The following LGR4 variants were observed in gnomAD, a reference collection of about 807,000 sequenced individuals.
LGR4 encodes leucine rich repeat containing G protein-coupled receptor 4.
Under a neutral mutation model 84.8 loss-of-function variants are expected in LGR4, and 44 were observed. The ratio of observed to expected loss-of-function variants is 0.52; its 90% CI spans 0.41 to 0.67. The LOEUF (loss-of-function observed/expected upper bound fraction) is 0.67. Among genes scored for constraint, LGR4 ranks in the 30% least tolerant of loss-of-function variants. The pLI is 0.00. For missense variants in LGR4, 1,032 were observed against 1,131.4 expected (o/e 0.91, Z 1.26); for synonymous variants, 429 against 434.3 (o/e 0.99, Z 0.15).
In LGR4 at chr11:27,373,629, T is replaced by A; in HGVS notation, c.1301A>T (p.Asn434Ile). 6.3e-7 allele frequency: 1 copy of A among 1,599,818 alleles called. No individual in the cohort carries two copies. The highest frequency in any genetic ancestry group is 8.5e-7 in the Non-Finnish European group (1 of 1,171,394). ...CACAAGTTTCAGTTGATTTAGCCCATTCAGGCCTTCCGTAGGAAAGGAAGT... is the reference window on the plus strand; with the variant it reads ...CACAAGTTTCAGTTGATTTAGCCCAATCAGGCCTTCCGTAGGAAAGGAAGT... The part of the protein sequence containing the change: ...ELTSFPTEGL[N>I]GLNQLKLVGN... Residue 434 changes from asparagine to isoleucine, a missense_variant, in exon 15 of 18, where the codon AAT becomes ATT. Physicochemically the swap from Asn to Ile is moderately radical, Grantham distance 149 (BLOSUM62 -3). Coordinates refer to ENST00000379214, the MANE Select transcript of LGR4 (RefSeq NM_018490.5).
intron 1 of LGR4, among the ~76,000 whole-genome samples, chr11:27,428,412 T>C (rs1277643814): frequency 6.6e-6 from 1 of 152,220 alleles, no homozygotes; most frequent in Non-Finnish European, 1.5e-5. Context: ...GTACTGGGAT[T>C]ACAGGCGTGA....
At chr11:27,455,596 T>TTAGTGGA (rs1864560417) in intron 1 of LGR4, among the ~76,000 whole-genome samples, 1 of 152,172 alleles carries the variant, frequency 6.6e-6, no homozygotes, top group African/African-American at 2.4e-5. Context: ...ACCTTTAAGA[T>TTAGTGGA]CCTTTCCAAA....
chr11:27,444,072 C>T (rs561818527), intron 1 of LGR4, among the ~76,000 whole-genome samples: 3 of 147,864 alleles, frequency 2.0e-5, no homozygotes, highest in East Asian at 4.0e-4. Flanking sequence ...AGGCATTACA[C>T]GCCTGTTTTC....
intron 1 of LGR4, among the ~76,000 whole-genome samples, chr11:27,419,959 AAAAAAATT>A (rs1478809641): frequency 6.6e-6 from 1 of 152,084 alleles, no homozygotes; most frequent in Non-Finnish European, 1.5e-5. Context: ...AAGAGGCATT[AAAAAAATT>A]TATGTGGTGA....
chr11:27,433,816 A>G (rs1477508901), intron 1 of LGR4, among the ~76,000 whole-genome samples: 1 of 152,288 alleles, frequency 6.6e-6, no homozygotes, highest in South Asian at 2.1e-4. Context: ...GGGACTTAAA[A>G]ATGGAGTCCA....
At chr11:27,435,335 A>AAAAC (rs1043161622) in intron 1 of LGR4, among the ~76,000 whole-genome samples, 3 of 151,690 alleles carry the variant, frequency 2.0e-5, no homozygotes, top group Admixed American at 6.6e-5. Flanking sequence ...TCTGTCTCAA[A>AAAAC]AAACAAACAA....
At chr11:27,401,365 C>T (rs1301165763) in intron 2 of LGR4, among the ~76,000 whole-genome samples, 2 of 152,142 alleles carry the variant, frequency 1.3e-5, no homozygotes, top group Non-Finnish European at 2.9e-5. Flanking sequence ...CTTACAGGAA[C>T]CCATGGAATA....
At chr11:27,383,559 C>T (rs1863137233) in intron 6 of LGR4, among the ~76,000 whole-genome samples, 1 of 152,036 alleles carries the variant, frequency 6.6e-6, no homozygotes, top group Non-Finnish European at 1.5e-5. Flanking sequence ...TAATAGAGTC[C>T]TAAAAGATTT....
chr11:27,395,619 C>T (rs1863375465), intron 2 of LGR4, among the ~76,000 whole-genome samples: 1 of 152,166 alleles, frequency 6.6e-6, no homozygotes, highest in South Asian at 2.1e-4. Flanking sequence ...AGCCAACGAT[C>T]TGGAGAAATA....
intron 2 of LGR4, among the ~76,000 whole-genome samples, chr11:27,409,692 T>A (rs557129566): frequency 6.6e-6 from 1 of 152,130 alleles, no homozygotes; most frequent in African/African-American, 2.4e-5. Flanking sequence ...TTTAGTCTTG[T>A]CATAACAAGA....
At chr11:27,432,531 T>C (rs939018835) in intron 1 of LGR4, among the ~76,000 whole-genome samples, 1 of 151,576 alleles carries the variant, frequency 6.6e-6, no homozygotes, top group Admixed American at 6.6e-5. Flanking sequence ...CAGAGGAAAA[T>C]AAAGAGAAAA....
intron 1 of LGR4, among the ~76,000 whole-genome samples, chr11:27,436,914 G>T (rs961200695): frequency 4.7e-4 from 72 of 152,252 alleles, no homozygotes; most frequent in African/African-American, 1.7e-3. Context: ...ATAGGAGGGG[G>T]TGTTGAAGGG....
intron 1 of LGR4, among the ~76,000 whole-genome samples, chr11:27,433,040 T>G (rs1266298559): frequency 6.6e-6 from 1 of 152,246 alleles, no homozygotes. Flanking sequence ...GTTTGTATTA[T>G]GTAGGCTTTC....
chr11:27,401,330 G>A (rs950843495), intron 2 of LGR4, among the ~76,000 whole-genome samples: 5 of 152,188 alleles, frequency 3.3e-5, no homozygotes, highest in African/African-American at 9.6e-5. Context: ...CACCTGCACC[G>A]AATTGGCCTT....
chr11:27,467,721 T>C (rs140177788), intron 1 of LGR4, among the ~76,000 whole-genome samples: 22 of 152,320 alleles, frequency 1.4e-4, no homozygotes, highest in African/African-American at 5.3e-4. Flanking sequence ...TCCTGTGAAT[T>C]ATTGACAGAT....
intron 1 of LGR4, among the ~76,000 whole-genome samples, chr11:27,432,877 C>T (rs183958646): frequency 3.3e-5 from 5 of 152,264 alleles, no homozygotes; most frequent in Admixed American, 2.6e-4. Context: ...CTGGTTTCTT[C>T]CCACTTTTTT....
chr11:27,375,297 C>CAAAAAAA (rs5790647), intron 13 of LGR4, among the ~76,000 whole-genome samples: 2 of 118,138 alleles, frequency 1.7e-5, no homozygotes, highest in African/African-American at 3.4e-5. Context: ...GACCCTGTCT[C>CAAAAAAA]AAAAAAAAAA....
intron 11 of LGR4, among the ~76,000 whole-genome samples, chr11:27,377,901 T>C (rs1565071399): frequency 2.0e-5 from 3 of 152,196 alleles, no homozygotes; most frequent in Admixed American, 6.5e-5. Flanking sequence ...TAATACCATA[T>C]TTCTGCTCCA....
chr11:27,381,228 C>G (rs1863086476), intron 7 of LGR4, among the ~76,000 whole-genome samples: 1 of 152,136 alleles, frequency 6.6e-6, no homozygotes, highest in East Asian at 1.9e-4. Flanking sequence ...TAAAAAAAAG[C>G]TTTAGACCAT....
Sources: allele counts gnomAD v4.1 joint callset (sites outside exome capture counted in the v4.1 genomes callset), GRCh38; gene constraint gnomAD v4.1.1; transcripts MANE v1.5; gene names NCBI Gene and HGNC (gene_info 2026-07-23, HGNC 2026-07-21).